The following PRDM6 variants were observed in gnomAD, a reference collection of about 807,000 sequenced individuals.
The protein encoded by PRDM6 is PR/SET domain 6.
A neutral mutation model predicts 60.8 loss-of-function variants in PRDM6; 25 were observed. The ratio of observed to expected loss-of-function variants is 0.41; its 90% confidence interval spans 0.30 to 0.57. The LOEUF is 0.57. PRDM6 is among the 20% of genes least tolerant of loss of function. PRDM6 has a pLI of 0.27. For synonymous variants in PRDM6, 407 were observed against 357.4 expected (o/e 1.14, Z -1.57); for missense variants, 839 against 821.3 (o/e 1.02, Z -0.26).
chr5:123,149,755 A>G (rs1326616068), intron 3 of PRDM6, among the ~76,000 whole-genome samples: 1 of 152,232 alleles, frequency 6.6e-6, no homozygotes, highest in African/African-American at 2.4e-5. Flanking sequence ...TCTGGGAGAT[A>G]AAATATAAAC....
At position 123,190,620 on chromosome 5, in the gene PRDM6, T is replaced by C. The variant is rs1475046609; in HGVS notation, c.*3419T>C. 6.6e-6 allele frequency: 1 copy of C among 152,206 alleles called. No homozygotes were observed. The highest frequency in any genetic ancestry group is 2.4e-5 in the African/African-American group (1 of 41,446). The allele number at this position is 152,206 out of a possible 1,614,324, so 9.4% of individuals were successfully genotyped here. A position where few individuals can be genotyped will look rare whatever the true frequency, so the allele number is the denominator to read the frequency against. On this transcript the variant is annotated 3_prime_UTR_variant, in exon 8 of 8. Transcript: ENST00000407847. ...AGATCATGACATCATTGTGTCCTCA[T>C]AGGGCTCATAATTGAATTTTACCTT...
intron 3 of PRDM6, 88 bp downstream of exon 3, chr5:123,100,049 C>A: frequency 2.2e-6 from 3 of 1,335,166 alleles, no homozygotes; most frequent in African/African-American, 1.5e-5. Flanking sequence ...TGGCCTTTGG[C>A]TGTGGCAACT....
chr5:123,098,234 C>T lies in PRDM6; in HGVS notation c.593-1420C>T, dbSNP rs1764004350. On this transcript the variant is annotated intron_variant, in intron 2 of 7. Coordinates refer to ENST00000407847, the MANE Select transcript of PRDM6 (RefSeq NM_001136239.4). The stretch of plus-strand genomic sequence containing the variant: ...CCCGGGTGCCCCGAGGGCCACCCGC[C>T]GCCCCGCTCTGGCGCATCCATCAGT... 3.3e-5 allele frequency among the ~76,000 whole-genome samples: 5 copies of T among 152,246 alleles called. No individual in the cohort carries two copies. The South Asian group carries it at 8.3e-4, about 25-fold the overall frequency.
chr5:123,155,318 A>G (rs1765468340), intron 3 of PRDM6, among the ~76,000 whole-genome samples: 1 of 144,952 alleles, frequency 6.9e-6, no homozygotes, highest in Non-Finnish European at 1.5e-5. Context: ...CAGGTCCTGA[A>G]AACTGAAGCC....
intron 7 of PRDM6, 134 bp downstream of exon 7, chr5:123,180,457 C>A: frequency 1.1e-6 from 1 of 900,378 alleles, no homozygotes; most frequent in Non-Finnish European, 1.6e-6. Context: ...AGGCTGCAAA[C>A]GAATCTCTCC....
intron 3 of PRDM6, among the ~76,000 whole-genome samples, chr5:123,141,422 C>A (rs1580512304): frequency 2.0e-5 from 3 of 152,092 alleles, no homozygotes; most frequent in Admixed American, 2.0e-4. Context: ...GAAAGGGGAT[C>A]ACTGAGCTAC....
At chr5:123,134,121 G>T (rs1003461089) in intron 3 of PRDM6, among the ~76,000 whole-genome samples, 1 of 152,046 alleles carries the variant, frequency 6.6e-6, no homozygotes, top group Non-Finnish European at 1.5e-5. Context: ...TTCTCTAATT[G>T]TTAGCCAAGT....
rs1220756786 is a variant in PRDM6, at chr5:123,188,075, A to G, written c.*874A>G. On this transcript the variant is annotated 3_prime_UTR_variant, in exon 8 of 8. Transcript: ENST00000407847. ...GAGATAAGGTGTTAGGCTTCATTGT[A>G]ATTTTTTTAGTTGTTTCTGTGAAAG... is the stretch of plus-strand genomic sequence containing the variant. 1 of 152,114 alleles carries G rather than the reference A, an allele frequency of 6.6e-6. No homozygotes were observed. The highest frequency in any genetic ancestry group is 1.9e-4 in the East Asian group (1 of 5,198). The allele number at this position is 152,114 out of a possible 1,614,324, so 9.4% of individuals were successfully genotyped here. A position where few individuals can be genotyped will look rare whatever the true frequency, so the allele number is the denominator to read the frequency against.
intron 2 of PRDM6, among the ~76,000 whole-genome samples, chr5:123,097,980 C>T (rs1030377381): frequency 2.6e-5 from 4 of 152,228 alleles, no homozygotes; most frequent in South Asian, 2.1e-4. Flanking sequence ...CTGGCTAGAG[C>T]CCCCTCCAGT....
At chr5:123,119,787 G>C (rs140005543) in intron 3 of PRDM6, among the ~76,000 whole-genome samples, 1 of 152,142 alleles carries the variant, frequency 6.6e-6, no homozygotes, top group East Asian at 1.9e-4. Flanking sequence ...AAAACCAGCA[G>C]TAATATCTTT....
At chr5:123,126,916 G>A (rs578129139) in intron 3 of PRDM6, among the ~76,000 whole-genome samples, 37 of 152,160 alleles carry the variant, frequency 2.4e-4, no homozygotes, top group Middle Eastern at 3.4e-3. Context: ...GTCTTCTTTT[G>A]GGGTGAGGAC....
At chr5:123,125,331 G>T (rs979918676) in intron 3 of PRDM6, among the ~76,000 whole-genome samples, 1 of 152,002 alleles carries the variant, frequency 6.6e-6, no homozygotes, top group African/African-American at 2.4e-5. Context: ...TTAAATTGTG[G>T]CATCATAAAT....
At chr5:123,137,628 C>A (rs1007108635) in intron 3 of PRDM6, among the ~76,000 whole-genome samples, 6 of 152,026 alleles carry the variant, frequency 3.9e-5, no homozygotes, top group African/African-American at 1.2e-4. Context: ...ATCACACACC[C>A]GGGCCTGTCA....
At chr5:123,144,987 A>T (rs886591864) in intron 3 of PRDM6, among the ~76,000 whole-genome samples, 15 of 152,194 alleles carry the variant, frequency 9.9e-5, no homozygotes, top group African/African-American at 3.6e-4. Context: ...CAACTGACAG[A>T]CATTCCCAAC....
chr5:123,146,439 G>A (rs1435206572), intron 3 of PRDM6, among the ~76,000 whole-genome samples: 8 of 152,146 alleles, frequency 5.3e-5, no homozygotes, highest in Admixed American at 5.2e-4. Flanking sequence ...AATCCCATCA[G>A]TTCACACTAC....
At chr5:123,133,496 T>TCA (rs1444623919) in intron 3 of PRDM6, among the ~76,000 whole-genome samples, 2 of 152,054 alleles carry the variant, frequency 1.3e-5, no homozygotes, top group Non-Finnish European at 2.9e-5. Flanking sequence ...TTATTAAAAG[T>TCA]CAGAATTAGC....
At chr5:123,164,191 C>G (rs1321050395) in intron 5 of PRDM6, among the ~76,000 whole-genome samples, 2 of 152,174 alleles carry the variant, frequency 1.3e-5, no homozygotes, top group Non-Finnish European at 2.9e-5. Flanking sequence ...ATATCAAACA[C>G]TGTGCAGATG....
Position 123,190,412 on chromosome 5 carries a change from G to A in PRDM6, c.*3211G>A, listed in dbSNP as rs1766385793. 1.3e-5 allele frequency: 2 copies of A among 151,986 alleles called. No individual in the cohort carries two copies. The allele number at this position is 151,986 out of a possible 1,614,324, so 9.4% of individuals were successfully genotyped here. On this transcript the variant is annotated 3_prime_UTR_variant, in exon 8 of 8. Coordinates refer to ENST00000407847, the MANE Select transcript of PRDM6 (RefSeq NM_001136239.4). ...TTTCATAGATAAGCTTTTCATTTTT[G>A]TTTTGTTTTTATCTTTAAAAATGAC... is the stretch of plus-strand genomic sequence containing the variant.
At chr5:123,093,626 A>G (rs1763892431) in intron 2 of PRDM6, among the ~76,000 whole-genome samples, 1 of 152,056 alleles carries the variant, frequency 6.6e-6, no homozygotes, top group Admixed American at 6.5e-5. Flanking sequence ...CCTGCGATAT[A>G]AATGGGGGAT....
Sources: allele counts gnomAD v4.1 joint callset (sites outside exome capture counted in the v4.1 genomes callset), GRCh38; gene constraint gnomAD v4.1.1; transcripts MANE v1.5; gene names NCBI Gene and HGNC (gene_info 2026-07-23, HGNC 2026-07-21).